CSRNP3: variants seen among roughly 807,000 people sequenced by gnomAD.
CSRNP3 encodes the protein cysteine and serine rich nuclear protein 3.
A neutral mutation model predicts 48.0 loss-of-function variants in CSRNP3; 12 were observed. That is an observed-to-expected ratio of 0.25 (90% CI 0.16 to 0.41). The LOEUF (loss-of-function observed/expected upper bound fraction) is 0.41, where lower values mean the gene tolerates loss of function less well. Ranked by LOEUF, CSRNP3 falls within the 10% of genes least tolerant of loss-of-function variation. The pLI, the probability that CSRNP3 is intolerant of heterozygous loss-of-function variation, is 1.00. For synonymous variants in CSRNP3, 263 were observed against 269.7 expected, an observed-to-expected ratio of 0.98 and a Z score of 0.24; for missense variants, 580 against 724.4, an observed-to-expected ratio of 0.80 and a Z score of 2.29.
chr2:165,565,567 G>A (rs1404982160), intron 3 of CSRNP3, among the ~76,000 whole-genome samples: 2 of 151,960 alleles, frequency 1.3e-5, no homozygotes, highest in Non-Finnish European at 2.9e-5. Context: ...TTGGATCATG[G>A]TTTCATGTAA....
intron 1 of CSRNP3, among the ~76,000 whole-genome samples, chr2:165,471,126 G>T (rs969019931): frequency 5.3e-5 from 8 of 151,818 alleles, no homozygotes; most frequent in Non-Finnish European, 8.8e-5. Context: ...TTATCTAAAT[G>T]AATTGAGAAT....
At chr2:165,636,534 A>G (rs1397642451) in intron 4 of CSRNP3, among the ~76,000 whole-genome samples, 3 of 152,186 alleles carry the variant, frequency 2.0e-5, no homozygotes, top group Admixed American at 6.5e-5. Flanking sequence ...CATAACCCAT[A>G]GCATCAACAT....
chr2:165,606,424 G>C (rs1686014532), intron 4 of CSRNP3, among the ~76,000 whole-genome samples: 1 of 145,168 alleles, frequency 6.9e-6, no homozygotes, highest in South Asian at 2.1e-4. Context: ...ACAGAAAAAA[G>C]GCTAACACAA....
At chr2:165,625,767 T>C (rs968109177) in intron 4 of CSRNP3, among the ~76,000 whole-genome samples, 5 of 150,950 alleles carry the variant, frequency 3.3e-5, no homozygotes, top group Non-Finnish European at 7.4e-5. Flanking sequence ...ACCCTGTCTC[T>C]ACTAAAAGTA....
intron 3 of CSRNP3, among the ~76,000 whole-genome samples, chr2:165,589,771 AAAAG>A (rs1448538266): frequency 6.6e-6 from 1 of 152,208 alleles, no homozygotes; most frequent in East Asian, 1.9e-4. Flanking sequence ...GTGAGAAAGG[AAAAG>A]AAGAGTACCA....
intron 5 of CSRNP3, among the ~76,000 whole-genome samples, chr2:165,672,224 G>C (rs898751880): frequency 2.0e-5 from 3 of 152,066 alleles, no homozygotes; most frequent in African/African-American, 7.2e-5. Context: ...CACATTTTCA[G>C]GTATCTTTAC....
intron 3 of CSRNP3, among the ~76,000 whole-genome samples, chr2:165,525,488 CTTTTTTT>C (rs766376805): frequency 7.5e-6 from 1 of 133,898 alleles, no homozygotes. Context: ...TCTTCTTCTT[CTTTTTTT>C]TTTTTTTTGG....
At chr2:165,541,241 T>G (rs1333025841) in intron 3 of CSRNP3, among the ~76,000 whole-genome samples, 3 of 151,568 alleles carry the variant, frequency 2.0e-5, no homozygotes, top group Non-Finnish European at 2.9e-5. Context: ...TTTTAGACAG[T>G]GAGGAAGGAC....
chr2:165,540,949 A>G (rs1287352893), intron 3 of CSRNP3, among the ~76,000 whole-genome samples: 1 of 152,106 alleles, frequency 6.6e-6, no homozygotes. Flanking sequence ...ATTTGTAAAA[A>G]TCAAATATTT....
intron 4 of CSRNP3, among the ~76,000 whole-genome samples, chr2:165,596,511 A>G (rs950063176): frequency 6.6e-6 from 1 of 152,222 alleles, no homozygotes; most frequent in Non-Finnish European, 1.5e-5. Flanking sequence ...TAAATATAGT[A>G]AAATCAATAG....
intron 4 of CSRNP3, among the ~76,000 whole-genome samples, chr2:165,655,143 A>C (rs1452242085): frequency 6.6e-6 from 1 of 152,162 alleles, no homozygotes; most frequent in Non-Finnish European, 1.5e-5. Flanking sequence ...AATTAGAGTC[A>C]ATTTTTTTCA....
chr2:165,588,980 T>C (rs1263416909), intron 3 of CSRNP3, among the ~76,000 whole-genome samples: 1 of 152,118 alleles, frequency 6.6e-6, no homozygotes. Flanking sequence ...TAAAAATAAA[T>C]AAATTAAATA....
In CSRNP3 at chr2:165,686,077, T is replaced by A. The variant is rs1017992937; in HGVS notation, c.*6324T>A. ...TTAGAGTAGCTTCTTTGTTAGAGGA[T>A]CTCTTTCCTTTCTCTTTTGGTTTTC... On this transcript the variant is annotated 3_prime_UTR_variant, in exon 7 of 7. Coordinates refer to ENST00000651982, the MANE Select transcript of CSRNP3 (RefSeq NM_001172173.2). 1 of 152,110 alleles carries A rather than the reference T, an allele frequency of 6.6e-6. No homozygotes were observed. Among genetic ancestry groups the A allele is most frequent in the African/African-American group, 2.4e-5 (1 of 41,452 alleles). The allele number at this position is 152,110 out of a possible 1,614,324, so 9.4% of individuals were successfully genotyped here.
At position 165,681,740 on chromosome 2, in the gene CSRNP3, TATATATATATATATATATATAC is replaced by T. The variant is rs1326512704; in HGVS notation, c.*1989_*2010del. ...TCTCAAATATACATATATATATATA[TATATATATATATATATATATAC>T]ACACACACACACACATACACATATA... is the stretch of plus-strand genomic sequence containing the variant. On this transcript the variant is annotated 3_prime_UTR_variant, in exon 7 of 7. Coordinates refer to ENST00000651982, the MANE Select transcript of CSRNP3 (RefSeq NM_001172173.2). 31 of 85,790 alleles carry T rather than the reference TATATATATATATATATATATAC, an allele frequency of 3.6e-4. No homozygotes were observed. The highest frequency in any genetic ancestry group is 1.1e-3 in the African/African-American group (29 of 25,922). 5.3% of individuals were successfully genotyped at this position (85,790 alleles called of 1,614,324 possible). A position where few individuals can be genotyped will look rare whatever the true frequency, so the allele number is the denominator to read the frequency against.
intron 3 of CSRNP3, among the ~76,000 whole-genome samples, chr2:165,591,293 TG>T (rs1465256542): frequency 6.6e-6 from 1 of 152,210 alleles, no homozygotes; most frequent in East Asian, 1.9e-4. Flanking sequence ...TTAGGATATC[TG>T]GCAGAAGAAA....
rs1351830729 is a variant in CSRNP3, at chr2:165,520,814, T to G, written c.-24+2853T>G. Among the ~76,000 whole-genome samples, 6 of 89,108 alleles carry G rather than the reference T, an allele frequency of 6.7e-5. 1 individual carries two copies. The highest frequency in any genetic ancestry group is 3.2e-4 in the East Asian group (1 of 3,090). 58.5% of individuals were successfully genotyped at this position (89,108 alleles called of 152,430 possible). A position where few individuals can be genotyped will look rare whatever the true frequency, so the allele number is the denominator to read the frequency against. ...ATATATATATATATATATATATATA[T>G]ATATATATATATACATATTTTTTTT... is the stretch of plus-strand genomic sequence containing the variant. On this transcript the variant is annotated intron_variant, in intron 3 of 6. Coordinates refer to ENST00000651982, the MANE Select transcript of CSRNP3 (RefSeq NM_001172173.2).
chr2:165,591,833 A>C (rs942137952), intron 3 of CSRNP3, among the ~76,000 whole-genome samples: 4 of 152,210 alleles, frequency 2.6e-5, no homozygotes, highest in African/African-American at 7.2e-5. Flanking sequence ...TTGCTGGGGC[A>C]AAGCTCTCAT....
intron 1 of CSRNP3, among the ~76,000 whole-genome samples, chr2:165,475,396 T>C (rs1416897101): frequency 6.6e-6 from 1 of 152,128 alleles, no homozygotes; most frequent in African/African-American, 2.4e-5. Context: ...TATAATCCAT[T>C]TTCAGAGATC....
At chr2:165,541,197 T>G (rs1358458296) in intron 3 of CSRNP3, among the ~76,000 whole-genome samples, 2 of 151,284 alleles carry the variant, frequency 1.3e-5, no homozygotes, top group African/African-American at 4.9e-5. Flanking sequence ...AGCTGCTATG[T>G]AATCATATCC....
Sources: gnomAD v4.1 joint callset for allele counts (sites outside exome capture counted in the v4.1 genomes callset) on GRCh38, gnomAD v4.1.1 for gene constraint, MANE v1.5 for transcripts, NCBI Gene and HGNC (gene_info 2026-07-23, HGNC 2026-07-21) for gene names.